ADAM7: variants seen among roughly 807,000 people sequenced by gnomAD.
ADAM7 encodes the protein ADAM metallopeptidase domain 7.
A neutral mutation model predicts 102.9 loss-of-function variants in ADAM7; 97 were observed. The observed-to-expected ratio is 0.94, with a 90% CI of 0.80 to 1.12. The LOEUF is 1.12. Ranked by LOEUF, ADAM7 falls within the 50% of genes most tolerant of loss-of-function variation. ADAM7 has a pLI of 0.00. For missense variants in ADAM7, 991 were observed against 908.7 expected, an observed-to-expected ratio of 1.09 and a Z score of -1.16; for synonymous variants, 334 against 304.4, an observed-to-expected ratio of 1.10 and a Z score of -1.01.
intron 20 of ADAM7, among the ~76,000 whole-genome samples, chr8:24,504,169 A>T (rs1820868336): frequency 6.6e-6 from 1 of 152,080 alleles, no homozygotes; most frequent in African/African-American, 2.4e-5. Flanking sequence ...GGAGTTCTAG[A>T]CCAGGCTGAG....
intron 20 of ADAM7, among the ~76,000 whole-genome samples, chr8:24,506,987 G>T (rs1431074458): frequency 4.6e-5 from 7 of 152,122 alleles, no homozygotes; most frequent in Non-Finnish European, 1.0e-4. Context: ...GCTGTGATTA[G>T]TTGATTAGTT....
At chr8:24,450,573 A>G (rs1479684135) in intron 3 of ADAM7, among the ~76,000 whole-genome samples, 3 of 152,092 alleles carry the variant, frequency 2.0e-5, no homozygotes, top group Non-Finnish European at 4.4e-5. Context: ...GGTTTTCTAG[A>G]TATACAATCG....
intron 20 of ADAM7, 49 bp from the exon 21 acceptor site, chr8:24,507,431 G>C (rs369081634): frequency 8.4e-5 from 124 of 1,474,516 alleles, no homozygotes; most frequent in South Asian, 5.4e-4. Context: ...ATGCCCATGC[G>C]TGTAACATCT....
intron 3 of ADAM7, among the ~76,000 whole-genome samples, chr8:24,454,363 GC>G (rs1563375398): frequency 1.3e-5 from 2 of 152,168 alleles, no homozygotes; most frequent in African/African-American, 4.8e-5. Flanking sequence ...AATGGCGGGC[GC>G]CCCTCCCCCA....
intron 3 of ADAM7, among the ~76,000 whole-genome samples, chr8:24,451,971 T>G (rs1181439526): frequency 3.3e-5 from 5 of 152,266 alleles, no homozygotes; most frequent in South Asian, 4.1e-4. Flanking sequence ...TGAGTGAGTT[T>G]CTTAATCCTG....
intron 16 of ADAM7, among the ~76,000 whole-genome samples, chr8:24,496,360 T>C (rs1421615567): frequency 6.6e-6 from 1 of 151,620 alleles, no homozygotes; most frequent in African/African-American, 2.4e-5. Flanking sequence ...AGATGAGAAA[T>C]GTAGGGTCGG....
chr8:24,501,859 T>C (rs763796794), intron 20 of ADAM7, among the ~76,000 whole-genome samples: 2 of 151,988 alleles, frequency 1.3e-5, no homozygotes, highest in Non-Finnish European at 2.9e-5. Flanking sequence ...TTTACAAGCA[T>C]AAACCACATG....
At chr8:24,494,156 A>T (rs1820476058) in intron 16 of ADAM7, among the ~76,000 whole-genome samples, 1 of 152,196 alleles carries the variant, frequency 6.6e-6, no homozygotes, top group Non-Finnish European at 1.5e-5. Context: ...ACATTTGTAC[A>T]GTGTGATAGA....
chr8:24,488,461 T>C (rs1277132728), intron 11 of ADAM7, among the ~76,000 whole-genome samples: 1 of 152,140 alleles, frequency 6.6e-6, no homozygotes, highest in Non-Finnish European at 1.5e-5. Context: ...CACAACTAAA[T>C]GTGATGGCTG....
At chr8:24,455,725 A>T (rs1222033700) in intron 3 of ADAM7, among the ~76,000 whole-genome samples, 1 of 152,128 alleles carries the variant, frequency 6.6e-6, no homozygotes, top group Non-Finnish European at 1.5e-5. Context: ...TTTACACTGA[A>T]TTTTTTCTTT....
chr8:24,441,188 T>G, intron 1 of ADAM7, 28 bp downstream of exon 1: 1 of 1,585,940 alleles, frequency 6.3e-7, no homozygotes, highest in Non-Finnish European at 8.7e-7. Context: ...TATCAGGACT[T>G]TCTTATTATG....
In ADAM7 at chr8:24,449,542, G is replaced by A. The variant is rs1296141706; in HGVS notation, c.233+2280G>A. 2.0e-5 allele frequency among the ~76,000 whole-genome samples: 3 copies of A among 152,146 alleles called. No homozygotes were observed. The East Asian group carries it at 5.8e-4, about 29-fold the overall frequency. On this transcript the variant is annotated intron_variant, in intron 3 of 21. Transcript: ENST00000175238. Reference sequence around the variant, plus strand: ...TTGTTTGAGTTCATTGTAGATTCTGGATATTAGCCCTTTGTCAGATATGCA... The same window carrying A: ...TTGTTTGAGTTCATTGTAGATTCTGAATATTAGCCCTTTGTCAGATATGCA...
intron 16 of ADAM7, among the ~76,000 whole-genome samples, chr8:24,493,614 G>A (rs1261158273): frequency 1.3e-5 from 2 of 152,076 alleles, no homozygotes; most frequent in Admixed American, 1.3e-4. Context: ...TACACTAAAG[G>A]TAAGCATACA....
intron 3 of ADAM7, among the ~76,000 whole-genome samples, chr8:24,452,885 G>A (rs560017973): frequency 5.4e-5 from 8 of 148,068 alleles, no homozygotes; most frequent in Non-Finnish European, 1.2e-4. Flanking sequence ...GTCTGTAAAG[G>A]ATTTTATTTC....
chr8:24,485,951 G>A (rs1292623039), intron 10 of ADAM7, among the ~76,000 whole-genome samples: 1 of 152,010 alleles, frequency 6.6e-6, no homozygotes, highest in Non-Finnish European at 1.5e-5. Flanking sequence ...GCTGTGCCTT[G>A]TCTGGTATTA....
chr8:24,499,464 G>GA, intron 17 of ADAM7, 148 bp downstream of exon 17: 2 of 568,480 alleles, frequency 3.5e-6, no homozygotes, highest in Non-Finnish European at 5.5e-6. Flanking sequence ...TTTTTCATGT[G>GA]TTATCAACAA....
At chr8:24,449,794 A>G (rs1818710744) in intron 3 of ADAM7, among the ~76,000 whole-genome samples, 1 of 152,186 alleles carries the variant, frequency 6.6e-6, no homozygotes, top group South Asian at 2.1e-4. Flanking sequence ...TCTAAAGTTT[A>G]AGTCTTTAAT....
chr8:24,444,798 A>C (rs958518072), intron 2 of ADAM7, among the ~76,000 whole-genome samples: 1 of 152,128 alleles, frequency 6.6e-6, no homozygotes, highest in African/African-American at 2.4e-5. Flanking sequence ...GAAAGAGTTA[A>C]AGCACATCAG....
chr8:24,492,638 G>C lies in ADAM7; in HGVS notation c.1655+41G>C, dbSNP rs7841205. On this transcript the variant is annotated intron_variant, in intron 15 of 21. Coordinates refer to ENST00000175238, the MANE Select transcript of ADAM7 (RefSeq NM_003817.4). ...AAAAAAAGTAATTTGCCTTCTTACA[G>C]CACTTTGTCAAAATCAGAATGGCTC... 5,756 of 1,468,228 alleles carry C rather than the reference G, an allele frequency of 3.9e-3. 199 individuals are homozygous for C. The African/African-American group carries it at 0.071, about 18-fold the overall frequency. The allele number at this position is 1,468,228 out of a possible 1,614,324, so 91.0% of individuals were successfully genotyped here.
Sources: gnomAD v4.1 joint callset for allele counts (sites outside exome capture counted in the v4.1 genomes callset) on GRCh38, gnomAD v4.1.1 for gene constraint, MANE v1.5 for transcripts, NCBI Gene and HGNC (gene_info 2026-07-23, HGNC 2026-07-21) for gene names.